Variants in CAMK4 observed in about 807,000 individuals in gnomAD.
CAMK4 encodes the protein calcium/calmodulin-dependent protein kinase type IV.
CAMK4 carries 22 observed loss-of-function variants against 44.9 expected under a neutral mutation model. The ratio of observed to expected loss-of-function variants is 0.49; its 90% CI spans 0.35 to 0.70. The LOEUF is 0.70. Ranked by LOEUF, CAMK4 falls within the 30% of genes least tolerant of loss-of-function variation. CAMK4 has a pLI of 0.01. For missense variants in CAMK4, 498 were observed against 586.8 expected (o/e 0.85, Z 1.56); for synonymous variants, 218 against 215.4 (o/e 1.01, Z -0.11).
rs184197227 is a variant in CAMK4 at position 111,241,646 on chromosome 5, C to T, written c.161+17002C>T. On this transcript the variant is annotated intron_variant, in intron 1 of 10. Coordinates refer to ENST00000282356, the MANE Select transcript of CAMK4 (RefSeq NM_001744.6). ...GAGAATATCTACATAAATTGCTTAT[C>T]GTTCTGTAAGGAATATTTCTGAGGT... 1.6e-4 allele frequency among the ~76,000 whole-genome samples: 25 copies of T among 152,188 alleles called. No homozygotes were observed. In the East Asian group the frequency reaches 4.3e-3, roughly 26 times the overall value.
chr5:111,337,506 CTTT>C (rs34136669), intron 1 of CAMK4, among the ~76,000 whole-genome samples: 1 of 131,138 alleles, frequency 7.6e-6, no homozygotes, highest in Non-Finnish European at 1.7e-5. Flanking sequence ...CCTTGCCAGC[CTTT>C]TTTTTTTTTT....
At chr5:111,413,159 G>C (rs1752689135) in intron 5 of CAMK4, among the ~76,000 whole-genome samples, 1 of 151,970 alleles carries the variant, frequency 6.6e-6, no homozygotes, top group South Asian at 2.1e-4. Flanking sequence ...CAGAAAACCT[G>C]CCTAACATTA....
chr5:111,301,308 T>C lies in CAMK4; in HGVS notation c.162-42716T>C, dbSNP rs1187204540. On this transcript the variant is annotated intron_variant, in intron 1 of 10. Coordinates refer to ENST00000282356, the MANE Select transcript of CAMK4 (RefSeq NM_001744.6). The stretch of plus-strand genomic sequence containing the variant: ...ACAGAATGATTTATATACAGCAAAC[T>C]AAACAGTTAAAATGAATATAAATAT... 2.0e-5 allele frequency among the ~76,000 whole-genome samples: 3 copies of C among 152,200 alleles called. No individual in the cohort carries two copies. The South Asian group carries it at 6.2e-4, about 31-fold the overall frequency.
chr5:111,364,601 C>A, intron 2 of CAMK4, among the ~76,000 whole-genome samples: 1 of 152,082 alleles, frequency 6.6e-6, no homozygotes, highest in South Asian at 2.1e-4. Flanking sequence ...CTTACAAAGG[C>A]TTCAAGTTCT....
At chr5:111,443,173 A>T (rs1753885645) in intron 5 of CAMK4, among the ~76,000 whole-genome samples, 1 of 145,798 alleles carries the variant, frequency 6.9e-6, no homozygotes, top group East Asian at 2.0e-4. Context: ...TTATCAGGGG[A>T]TGTAAACAAA....
At chr5:111,392,482 A>G (rs74716308) in intron 4 of CAMK4, among the ~76,000 whole-genome samples, 329 of 152,244 alleles carry the variant, frequency 2.2e-3, no homozygotes, top group African/African-American at 7.6e-3. Flanking sequence ...AATCCAAACC[A>G]TATCAGCTGG....
intron 9 of CAMK4, among the ~76,000 whole-genome samples, chr5:111,480,610 C>G (rs1561513956): frequency 2.6e-5 from 4 of 152,050 alleles, no homozygotes; most frequent in Non-Finnish European, 5.9e-5. Context: ...CAGAGTCTGA[C>G]ACACCTGGAT....
intron 5 of CAMK4, among the ~76,000 whole-genome samples, chr5:111,435,061 A>C (rs1753597760): frequency 6.6e-6 from 1 of 152,214 alleles, no homozygotes. Context: ...GAGAGAGTTT[A>C]ATTACATGTC....
intron 4 of CAMK4, among the ~76,000 whole-genome samples, chr5:111,381,236 G>A (rs1751400096): frequency 6.6e-6 from 1 of 152,118 alleles, no homozygotes; most frequent in Non-Finnish European, 1.5e-5. Context: ...GAACTAACAG[G>A]ATAGATGTAT....
chr5:111,388,368 A>T (rs1300386269), intron 4 of CAMK4, among the ~76,000 whole-genome samples: 2 of 152,190 alleles, frequency 1.3e-5, no homozygotes, highest in Non-Finnish European at 2.9e-5. Flanking sequence ...GTCTCATCTC[A>T]GGCAGAGCCC....
chr5:111,290,854 A>G lies in CAMK4; in HGVS notation c.162-53170A>G, dbSNP rs1747223364. On this transcript the variant is annotated intron_variant, in intron 1 of 10. Coordinates refer to ENST00000282356, the MANE Select transcript of CAMK4 (RefSeq NM_001744.6). The surrounding 1 kb of genome is among the most constrained non-coding windows in gnomAD (Gnocchi z 4.5). ...CTTGGAGGTTTATTTAAAAGTGAAT[A>G]TGTAAAACGTATGGAACCACATAAG... 6.6e-6 allele frequency among the ~76,000 whole-genome samples: 1 copy of G among 152,224 alleles called. No individual in the cohort carries two copies. The highest frequency in any genetic ancestry group is 1.5e-5 in the Non-Finnish European group (1 of 68,044).
rs139004418 is a variant in CAMK4 at position 111,486,542 on chromosome 5, C to CACATGT, written c.*2076_*2077insACATGT. On this transcript the variant is annotated 3_prime_UTR_variant, in exon 11 of 11. Transcript: ENST00000282356. ...ACACACACACACACACACACACACACGTGTTGGAAGAGCAAAGAGAGGGAA... is the reference window on the plus strand; with the variant it reads ...ACACACACACACACACACACACACACACATGTGTGTTGGAAGAGCAAAGAGAGGGAA... The CACATGT allele has an allele frequency of 1.4e-5, 2 of 147,244 alleles. No homozygotes were observed. Among genetic ancestry groups the CACATGT allele is most frequent in the Admixed American group, 6.8e-5 (1 of 14,628 alleles). The allele number at this position is 147,244 out of a possible 1,614,324, so 9.1% of individuals were successfully genotyped here.
At chr5:111,240,306 TAAA>T (rs60517832) in intron 1 of CAMK4, among the ~76,000 whole-genome samples, 14 of 143,004 alleles carry the variant, frequency 9.8e-5, no homozygotes, top group Non-Finnish European at 1.4e-4. Context: ...TTTAACAATC[TAAA>T]AAAAAAAAAA....
rs1250937047 is a variant in CAMK4 at position 111,494,354 on chromosome 5, TAATAC to T, written c.*9891_*9895del. On this transcript the variant is annotated 3_prime_UTR_variant, in exon 11 of 11. Coordinates refer to ENST00000282356, the MANE Select transcript of CAMK4 (RefSeq NM_001744.6). Reference sequence around the variant, plus strand: ...TGACAATATGGTGCTATTGACTACTTAATACAAAGATATATTACAATATTTTTAGG... The same window carrying T: ...TGACAATATGGTGCTATTGACTACTTAAAGATATATTACAATATTTTTAGG... 1.3e-5 allele frequency: 2 copies of T among 152,220 alleles called. No homozygotes were observed. Among genetic ancestry groups the T allele is most frequent in the African/African-American group, 4.8e-5 (2 of 41,464 alleles). 9.4% of individuals were successfully genotyped at this position (152,220 alleles called of 1,614,324 possible). A position where few individuals can be genotyped will look rare whatever the true frequency, so the allele number is the denominator to read the frequency against.
At chr5:111,406,671 A>C (rs1267680499) in intron 5 of CAMK4, among the ~76,000 whole-genome samples, 1 of 152,164 alleles carries the variant, frequency 6.6e-6, no homozygotes, top group African/African-American at 2.4e-5. Flanking sequence ...ACACAACATG[A>C]ATTCTAGGTC....
chr5:111,343,436 G>A (rs1371170104), intron 1 of CAMK4, among the ~76,000 whole-genome samples: 1 of 151,662 alleles, frequency 6.6e-6, no homozygotes, highest in Non-Finnish European at 1.5e-5. Flanking sequence ...TTTGGACCAC[G>A]TTGTCCTGCT....
At chr5:111,357,539 T>C (rs1347461169) in intron 2 of CAMK4, among the ~76,000 whole-genome samples, 1 of 95,810 alleles carries the variant, frequency 1.0e-5, no homozygotes, top group Non-Finnish European at 2.2e-5. Context: ...CAGAGTTGCA[T>C]ATATCCAGTC....
chr5:111,480,053 G>A (rs1288625150), intron 9 of CAMK4, among the ~76,000 whole-genome samples: 1 of 151,656 alleles, frequency 6.6e-6, no homozygotes, highest in African/African-American at 2.4e-5. Context: ...TCTACATGAC[G>A]CTGCCTGGTC....
rs114872926 is a variant in CAMK4, at chr5:111,332,606, G to T, written c.162-11418G>T. ...TCTTAAGGAGAGTGTTCGCTGCAAT[G>T]AAATAACTTTTCTAGTACTTCAAAA... is the stretch of plus-strand genomic sequence containing the variant. On this transcript the variant is annotated intron_variant, in intron 1 of 10. Transcript: ENST00000282356. Among the ~76,000 whole-genome samples, 588 of 151,652 alleles carry T rather than the reference G, an allele frequency of 3.9e-3. 6 individuals carry two copies. Among genetic ancestry groups the T allele is most frequent in the African/African-American group, 0.014 (571 of 41,440 alleles).
Sources: allele counts gnomAD v4.1 joint callset (sites outside exome capture counted in the v4.1 genomes callset), GRCh38; gene constraint gnomAD v4.1.1; non-coding constraint Gnocchi (gnomAD v3.1); transcripts MANE v1.5; gene names NCBI Gene and HGNC (gene_info 2026-07-23, HGNC 2026-07-21).